The following DCLK3 variants were observed in gnomAD, a reference collection of about 807,000 sequenced individuals.
DCLK3 encodes the protein serine/threonine-protein kinase DCLK3.
Under a neutral mutation model 46.4 loss-of-function variants are expected in DCLK3, and 30 were observed. The ratio of observed to expected loss-of-function variants is 0.65; its 90% confidence interval spans 0.48 to 0.88. The LOEUF (loss-of-function observed/expected upper bound fraction) is 0.88, where lower values mean the gene tolerates loss of function less well. Among genes scored for constraint, DCLK3 ranks in the 40% least tolerant of loss-of-function variants. DCLK3 has a pLI of 0.00. For synonymous variants in DCLK3, 401 were observed against 339.2 expected (o/e 1.18, Z -2.00); for missense variants, 846 against 907.1 (o/e 0.93, Z 0.87).
At chr3:36,729,164 C>G (rs1424667671) in intron 2 of DCLK3, among the ~76,000 whole-genome samples, 1 of 151,416 alleles carries the variant, frequency 6.6e-6, no homozygotes, top group East Asian at 2.0e-4. Flanking sequence ...GTCATCAAGA[C>G]AGCCAAAGAC....
At chr3:36,760,801 A>C (rs1383702049) in intron 1 of DCLK3, among the ~76,000 whole-genome samples, 2 of 152,210 alleles carry the variant, frequency 1.3e-5, no homozygotes, top group Non-Finnish European at 2.9e-5. Context: ...AACAGAATCC[A>C]TTCAGCTAAA....
At chr3:36,721,955 G>A (rs1701066700) in intron 2 of DCLK3, among the ~76,000 whole-genome samples, 1 of 152,180 alleles carries the variant, frequency 6.6e-6, no homozygotes, top group Non-Finnish European at 1.5e-5. Context: ...CTTCTCAGCT[G>A]CATTAGGCAC....
At chr3:36,718,818 C>A (rs1016615451) in intron 3 of DCLK3, among the ~76,000 whole-genome samples, 3 of 152,108 alleles carry the variant, frequency 2.0e-5, no homozygotes, top group Non-Finnish European at 2.9e-5. Flanking sequence ...TGTGCACACA[C>A]TGGTATACAA....
intron 2 of DCLK3, among the ~76,000 whole-genome samples, chr3:36,733,716 G>A (rs1429360344): frequency 6.6e-6 from 1 of 152,186 alleles, no homozygotes; most frequent in Non-Finnish European, 1.5e-5. Context: ...GATCTCAGGA[G>A]TCTAAATAAC....
rs555948173 is a variant in DCLK3 at position 36,714,970 on chromosome 3, C to T, written c.*358G>A. The T allele has an allele frequency of 2.7e-4, 51 of 192,436 alleles. No individual in the cohort carries two copies. Among genetic ancestry groups the T allele is most frequent in the Non-Finnish European group, 4.6e-4 (43 of 93,486 alleles). The allele number at this position is 192,436 out of a possible 1,614,324, so 11.9% of individuals were successfully genotyped here. A position where few individuals can be genotyped will look rare whatever the true frequency, so the allele number is the denominator to read the frequency against. ...TTATTAACACAGAAAGACCACAATG[C>T]ACCTTATTAATCTCACAGGGGGAGT... On this transcript the variant is annotated 3_prime_UTR_variant, in exon 5 of 5. Coordinates refer to ENST00000636136, the MANE Select transcript of DCLK3 (RefSeq NM_001394672.2).
chr3:36,737,835 C>T lies in DCLK3; in HGVS notation c.1332G>A (p.Trp444Ter). The T allele has an allele frequency of 6.2e-7, 1 of 1,614,034 alleles. No homozygotes were observed. Among genetic ancestry groups the T allele is most frequent in the Non-Finnish European group, 8.5e-7 (1 of 1,180,038 alleles). ...RPMSRSKHGGWLLREHQAGFE... is the reference protein window; with the variant it reads ...RPMSRSKHGG ...AGCCCGCCTGGTGCTCTCTCAGGAG[C>T]CAGCCACCATGTTTGCTCCTGCTCA... The change falls in exon 2 of 5, where the codon TGG becomes TGA. Residue 444 changes from tryptophan to a stop codon, truncating the protein, a stop_gained. Transcript: ENST00000636136. LOFTEE classifies it high-confidence loss of function. The surrounding 1 kb of genome is among the most constrained non-coding windows in gnomAD (Gnocchi z 4.4).
chr3:36,717,907 T>C (rs923815529), intron 4 of DCLK3, 103 bp downstream of exon 4: 8 of 1,444,972 alleles, frequency 5.5e-6, no homozygotes, highest in African/African-American at 4.2e-5. Flanking sequence ...ACATGACATG[T>C]TGACAGTCCA....
At chr3:36,748,833 G>A (rs188149329) in intron 1 of DCLK3, among the ~76,000 whole-genome samples, 12 of 152,266 alleles carry the variant, frequency 7.9e-5, no homozygotes, top group African/African-American at 2.4e-4. Context: ...TTCTGAAGCA[G>A]GTTGACCCTC....
At chr3:36,757,187 T>G (rs1243496561) in intron 1 of DCLK3, among the ~76,000 whole-genome samples, 4 of 152,164 alleles carry the variant, frequency 2.6e-5, no homozygotes, top group African/African-American at 9.7e-5. Context: ...ATTTTCGGTT[T>G]GTGAAATTTT....
rs372534730 is a variant in DCLK3, at chr3:36,723,601, C to T, written c.1960-1942G>A. Among the ~76,000 whole-genome samples, 257 of 152,296 alleles carry T rather than the reference C, an allele frequency of 1.7e-3. 9 individuals are homozygous for T. In the South Asian group the frequency reaches 0.051, roughly 30 times the overall value. On this transcript the variant is annotated intron_variant, in intron 2 of 4. Coordinates refer to ENST00000636136, the MANE Select transcript of DCLK3 (RefSeq NM_001394672.2). ...AGGGACTTGGTACCCTGCCTCCCAGCCGCTCCAGCCATGGCTGAAAGGGGC... is the reference window on the plus strand; with the variant it reads ...AGGGACTTGGTACCCTGCCTCCCAGTCGCTCCAGCCATGGCTGAAAGGGGC...
chr3:36,725,189 G>GA (rs2125523918), intron 2 of DCLK3, among the ~76,000 whole-genome samples: 1 of 152,112 alleles, frequency 6.6e-6, no homozygotes, highest in African/African-American at 2.4e-5. Context: ...GCGGGCGCCT[G>GA]TAGTCCCAGC....
chr3:36,732,449 T>C (rs886385758), intron 2 of DCLK3, among the ~76,000 whole-genome samples: 1 of 152,188 alleles, frequency 6.6e-6, no homozygotes, highest in African/African-American at 2.4e-5. Context: ...GAGCCTGTCT[T>C]ACCAATGTAA....
chr3:36,727,321 T>C (rs1421464274), intron 2 of DCLK3, among the ~76,000 whole-genome samples: 1 of 152,098 alleles, frequency 6.6e-6, no homozygotes, highest in African/African-American at 2.4e-5. Context: ...AATAAAGCAT[T>C]TGGCTGACTT....
chr3:36,716,567 C>A (rs1387260506), intron 4 of DCLK3, among the ~76,000 whole-genome samples: 3 of 152,216 alleles, frequency 2.0e-5, no homozygotes, highest in Non-Finnish European at 4.4e-5. Context: ...TGTGGACAAC[C>A]AGACACCCCA....
chr3:36,728,620 C>T (rs960692776), intron 2 of DCLK3, among the ~76,000 whole-genome samples: 16 of 152,184 alleles, frequency 1.1e-4, no homozygotes, highest in African/African-American at 3.9e-4. Context: ...ATACCAGTAA[C>T]CCCTGGGTTC....
chr3:36,752,233 C>G (rs75747812), intron 1 of DCLK3, among the ~76,000 whole-genome samples: 1 of 152,200 alleles, frequency 6.6e-6, no homozygotes, highest in African/African-American at 2.4e-5. Flanking sequence ...AAAGACCCAG[C>G]CTTTACCCCA....
At chr3:36,763,251 G>C (rs1205411223) in intron 1 of DCLK3, among the ~76,000 whole-genome samples, 4 of 152,210 alleles carry the variant, frequency 2.6e-5, no homozygotes, top group African/African-American at 7.2e-5. Context: ...AACTAGGAGG[G>C]GGTGAGGTGG....
chr3:36,759,430 G>A (rs1701518612), intron 1 of DCLK3, among the ~76,000 whole-genome samples: 1 of 152,224 alleles, frequency 6.6e-6, no homozygotes, highest in Non-Finnish European at 1.5e-5. Context: ...TGGCAAGGCT[G>A]AAAACTGGGA....
intron 1 of DCLK3, among the ~76,000 whole-genome samples, chr3:36,753,961 TGA>T (rs1395507533): frequency 6.6e-6 from 1 of 152,208 alleles, no homozygotes; most frequent in Non-Finnish European, 1.5e-5. Flanking sequence ...ATTATAGGTG[TGA>T]GTCACGATGC....
Sources: gnomAD v4.1 joint callset for allele counts (sites outside exome capture counted in the v4.1 genomes callset) on GRCh38, gnomAD v4.1.1 for gene constraint, Gnocchi (gnomAD v3.1) non-coding constraint, MANE v1.5 for transcripts, NCBI Gene and HGNC (gene_info 2026-07-23, HGNC 2026-07-21) for gene names.